KIF13A: variants seen among roughly 807,000 people sequenced by gnomAD.
KIF13A encodes kinesin family member 13A.
In KIF13A, 79 loss-of-function variants were observed where a neutral mutation model predicts 212.2. That is an observed-to-expected ratio of 0.37 (90% CI 0.31 to 0.45). KIF13A has a LOEUF of 0.45. Among genes scored for constraint, KIF13A ranks in the 20% least tolerant of loss-of-function variants. The pLI is 1.00. For missense variants in KIF13A, 1,901 were observed against 2,209.0 expected, an observed-to-expected ratio of 0.86 and a Z score of 2.79; for synonymous variants, 789 against 808.6, an observed-to-expected ratio of 0.98 and a Z score of 0.41.
intron 2 of KIF13A, among the ~76,000 whole-genome samples, chr6:17,972,177 G>GT (rs1362746270): frequency 1.3e-5 from 2 of 152,144 alleles, no homozygotes; most frequent in African/African-American, 4.8e-5. Context: ...ATTTAACACC[G>GT]TTATCTTGAT....
intron 18 of KIF13A, among the ~76,000 whole-genome samples, chr6:17,808,470 T>G (rs1763170293): frequency 6.6e-6 from 1 of 152,056 alleles, no homozygotes; most frequent in African/African-American, 2.4e-5. Context: ...GGCATTTACA[T>G]GCAAAAAAAA....
At chr6:17,921,077 T>C (rs1775030499) in intron 2 of KIF13A, among the ~76,000 whole-genome samples, 1 of 152,076 alleles carries the variant, frequency 6.6e-6, no homozygotes, top group East Asian at 1.9e-4. Context: ...AAATGACACC[T>C]TTCCCAAAGA....
In KIF13A at chr6:17,780,819, T is replaced by G. The variant is rs761108518; in HGVS notation, c.3757A>C (p.Ile1253Leu). The part of the protein sequence containing the change: ...VTPQNERIYL[I>L]VKTTVQLSHP... ...CTGAGTTGAACTGTGGTTTTCACAA[T>G]TAGGTAAATCCTTTCATTCTGTGGT... is the stretch of plus-strand genomic sequence containing the variant. Residue 1253 changes from isoleucine to leucine, a missense_variant, in exon 31 of 39, where the codon ATT (isoleucine) becomes CTT (leucine). This residue lies in a region of KIF13A where 687 missense variants were observed against 759.1 expected (regional missense o/e 0.90). Coordinates refer to ENST00000259711, the MANE Select transcript of KIF13A (RefSeq NM_022113.6). The G allele has an allele frequency of 2.5e-6, 4 of 1,613,982 alleles. No individual in the cohort carries two copies. The highest frequency in any genetic ancestry group is 3.4e-6 in the Non-Finnish European group (4 of 1,179,836).
At chr6:17,835,156 A>G (rs1765813857) in intron 11 of KIF13A, among the ~76,000 whole-genome samples, 1 of 138,918 alleles carries the variant, frequency 7.2e-6, no homozygotes, top group African/African-American at 2.7e-5. Flanking sequence ...ACTGCACTCC[A>G]GCCCGGGCAA....
chr6:17,866,107 C>T (rs1769337793), intron 4 of KIF13A, among the ~76,000 whole-genome samples: 1 of 152,168 alleles, frequency 6.6e-6, no homozygotes, highest in South Asian at 2.1e-4. Context: ...AGGGTGTTTC[C>T]CATAAAATAA....
intron 2 of KIF13A, among the ~76,000 whole-genome samples, chr6:17,938,189 C>G (rs910301973): frequency 1.3e-5 from 2 of 152,192 alleles, no homozygotes; most frequent in African/African-American, 4.8e-5. Flanking sequence ...GCCACCACGC[C>G]AGGCCTTTAG....
intron 3 of KIF13A, among the ~76,000 whole-genome samples, chr6:17,873,854 T>A (rs962897051): frequency 1.3e-5 from 2 of 152,144 alleles, no homozygotes; most frequent in Non-Finnish European, 2.9e-5. Context: ...CCTCCCAAAA[T>A]GTACTGGGAT....
chr6:17,953,737 G>A (rs989288669), intron 2 of KIF13A: 1 of 194,198 alleles, frequency 5.1e-6, no homozygotes, highest in East Asian at 1.1e-4. Flanking sequence ...TCAAGTTGGT[G>A]CAGGCCCTTT....
rs547479559 is a variant in KIF13A at position 17,785,519 on chromosome 6, C to T, written c.3484G>A (p.Asp1162Asn). The stretch of plus-strand genomic sequence containing the variant: ...CAGAAGGGAGGGCAGCCTTACCAGT[C>T]GGCAGGTGCCCCAGGAATCCCACTG... The part of the protein sequence containing the change: ...PGSGIPGAPA[D>N]WIPPPGMETH... Residue 1162 changes from aspartate to asparagine, a missense_variant, in exon 28 of 39, where the codon GAC becomes AAC. By Grantham distance (23) the Asp-to-Asn change is conservative. Coordinates refer to ENST00000259711, the MANE Select transcript of KIF13A (RefSeq NM_022113.6). This position sits in a 1 kb window ranked among gnomAD's most constrained non-coding sequence, Gnocchi z 5.8. 60 of 1,571,798 alleles carry T rather than the reference C, an allele frequency of 3.8e-5. No individual in the cohort carries two copies. The South Asian group carries it at 5.3e-4, about 14-fold the overall frequency.
At position 17,794,761 on chromosome 6, in the gene KIF13A, A is replaced by G. The variant is rs556583400; in HGVS notation, c.2943-57T>C. ...TCATCGTCCAGGGATACTGTTAGTA[A>G]TAGTAATAAGCCACCATTCACTGAG... On this transcript the variant is annotated intron_variant, in intron 23 of 38. Coordinates refer to ENST00000259711, the MANE Select transcript of KIF13A (RefSeq NM_022113.6). The surrounding 1 kb of genome is among the most constrained non-coding windows in gnomAD (Gnocchi z 4.1). 26 of 1,554,562 alleles carry G rather than the reference A, an allele frequency of 1.7e-5. No homozygotes were observed. The African/African-American group carries it at 2.7e-4, about 16-fold the overall frequency.
chr6:17,867,985 C>T (rs559883976), intron 4 of KIF13A, among the ~76,000 whole-genome samples: 1 of 152,354 alleles, frequency 6.6e-6, no homozygotes, highest in East Asian at 1.9e-4. Flanking sequence ...AGGTGCTCTT[C>T]TGTCCCCTCA....
rs567303399 is a variant in KIF13A, at chr6:17,773,601, G to A, written c.4219-18C>T. ...GGCCAACCCTACAAGGTAAAAATAT[G>A]GGTTAACTGTAATTGAATCACTCCA... On this transcript the variant is annotated intron_variant, in intron 35 of 38. Coordinates refer to ENST00000259711, the MANE Select transcript of KIF13A (RefSeq NM_022113.6). The surrounding 1 kb of genome is among the most constrained non-coding windows in gnomAD (Gnocchi z 4.2). 25 of 1,448,486 alleles carry A rather than the reference G, an allele frequency of 1.7e-5. 1 individual carries two copies. In the South Asian group the frequency reaches 2.6e-4, roughly 15 times the overall value. 89.7% of individuals were successfully genotyped at this position (1,448,486 alleles called of 1,614,324 possible).
intron 35 of KIF13A, among the ~76,000 whole-genome samples, chr6:17,774,115 T>C (rs1043000940): frequency 3.9e-5 from 6 of 152,238 alleles, no homozygotes; most frequent in Admixed American, 6.5e-5. Flanking sequence ...TGGCATATCA[T>C]ACGAGCTTAC....
rs368561759 is a variant in KIF13A at position 17,768,474 on chromosome 6, T to C, written c.4581+2640A>G. 2.2e-4 allele frequency among the ~76,000 whole-genome samples: 34 copies of C among 152,376 alleles called. No homozygotes were observed. Among genetic ancestry groups the C allele is most frequent in the African/African-American group, 7.0e-4 (29 of 41,588 alleles). On this transcript the variant is annotated intron_variant, in intron 38 of 38. Transcript: ENST00000259711. This position sits in a 1 kb window ranked among gnomAD's most constrained non-coding sequence, Gnocchi z 5.4. Reference sequence around the variant, plus strand: ...CACTCCTATTATAATCATGTCGTGCTGTTCACCAGAGATCTCTGTTTGCAG... The same window carrying C: ...CACTCCTATTATAATCATGTCGTGCCGTTCACCAGAGATCTCTGTTTGCAG...
At chr6:17,891,977 G>C (rs749886235) in intron 3 of KIF13A, among the ~76,000 whole-genome samples, 28 of 152,044 alleles carry the variant, frequency 1.8e-4, no homozygotes, top group Non-Finnish European at 3.4e-4. Flanking sequence ...CTTGACAAGA[G>C]ATACCTCTTC....
At chr6:17,882,660 C>T (rs888643915) in intron 3 of KIF13A, among the ~76,000 whole-genome samples, 11 of 151,782 alleles carry the variant, frequency 7.2e-5, no homozygotes, top group African/African-American at 1.5e-4. Context: ...CTCCCAGGTT[C>T]GAGCGATTCC....
At chr6:17,804,150 TCAAACAAA>T (rs60485477) in intron 20 of KIF13A, among the ~76,000 whole-genome samples, 1 of 150,628 alleles carries the variant, frequency 6.6e-6, no homozygotes, top group Non-Finnish European at 1.5e-5. Flanking sequence ...AGACTCCGTC[TCAAACAAA>T]CAAACAAACA....
At chr6:17,958,721 ATACTTTAAT>A (rs2150582613) in intron 2 of KIF13A, among the ~76,000 whole-genome samples, 1 of 152,252 alleles carries the variant, frequency 6.6e-6, no homozygotes, top group African/African-American at 2.4e-5. Context: ...ATTTATTCTT[ATACTTTAAT>A]TCCATTTATT....
rs1460963893 is a variant in KIF13A at position 17,855,923 on chromosome 6, C to T, written c.313+107G>A. 1 of 761,762 alleles carries T rather than the reference C, an allele frequency of 1.3e-6. No homozygotes were observed. The highest frequency in any genetic ancestry group is 2.2e-6 in the Non-Finnish European group (1 of 452,736). 47.2% of individuals were successfully genotyped at this position (761,762 alleles called of 1,614,324 possible). On this transcript the variant is annotated intron_variant, in intron 5 of 38. Transcript: ENST00000259711. The surrounding 1 kb of genome is among the most constrained non-coding windows in gnomAD (Gnocchi z 4.1). Reference sequence around the variant, plus strand: ...GACGGGTCTTACTATGTTGCCCAGGCTGGTCTCAAACTCCTGGGCTCAGGA... The same window carrying T: ...GACGGGTCTTACTATGTTGCCCAGGTTGGTCTCAAACTCCTGGGCTCAGGA...
Sources: allele counts gnomAD v4.1 joint callset (sites outside exome capture counted in the v4.1 genomes callset), GRCh38; gene constraint gnomAD v4.1.1; regional missense constraint gnomAD v4.1.1; non-coding constraint Gnocchi (gnomAD v3.1); transcripts MANE v1.5; gene names NCBI Gene and HGNC (gene_info 2026-07-23, HGNC 2026-07-21).